ARHGEF3: variants seen among roughly 807,000 people sequenced by gnomAD.
The protein encoded by ARHGEF3 is Rho guanine nucleotide exchange factor 3, also known as 59.8 kDA protein.
In ARHGEF3, 28 loss-of-function variants were observed where a neutral mutation model predicts 63.2. The observed-to-expected ratio is 0.44, with a 90% CI of 0.33 to 0.61. ARHGEF3 has a LOEUF of 0.61. Among genes scored for constraint, ARHGEF3 ranks in the 20% least tolerant of loss-of-function variants. The probability of loss-of-function intolerance (pLI) is 0.03; values close to 1 mark genes in which losing one functional copy is unlikely to be tolerated. For synonymous variants in ARHGEF3, 266 were observed against 254.2 expected (o/e 1.05, Z -0.44); for missense variants, 533 against 659.3 (o/e 0.81, Z 2.10).
At chr3:56,766,700 G>A (rs1179541444) in intron 2 of ARHGEF3, among the ~76,000 whole-genome samples, 1 of 152,064 alleles carries the variant, frequency 6.6e-6, no homozygotes, top group South Asian at 2.1e-4. Flanking sequence ...AAAAACTGTA[G>A]CAAAAGAGAA....
chr3:56,896,984 T>C (rs1348173384), intron 3 of ARHGEF3, among the ~76,000 whole-genome samples: 1 of 152,240 alleles, frequency 6.6e-6, no homozygotes, highest in Non-Finnish European at 1.5e-5. Context: ...ATTGAAAATA[T>C]GGAAGTGTCT....
chr3:56,753,351 T>C lies in ARHGEF3; in HGVS notation c.438+153A>G, dbSNP rs1002280363. On this transcript the variant is annotated intron_variant, in intron 4 of 9. Transcript: ENST00000296315. ...AGGTCTGGAGAGCTATTCTGCCCTC[T>C]TGTTTTGAAACACTTTCCCCACTGC... The C allele has an allele frequency of 2.6e-5, 17 of 661,862 alleles. No homozygotes were observed. The African/African-American group carries it at 3.1e-4, about 12-fold the overall frequency. The allele number at this position is 661,862 out of a possible 1,614,324, so 41.0% of individuals were successfully genotyped here.
intron 4 of ARHGEF3, among the ~76,000 whole-genome samples, chr3:56,826,550 A>G (rs2038718556): frequency 6.6e-6 from 1 of 152,218 alleles, no homozygotes; most frequent in Non-Finnish European, 1.5e-5. Context: ...GAATTATTTC[A>G]TAACGATATC....
intron 2 of ARHGEF3, among the ~76,000 whole-genome samples, chr3:57,009,730 A>G (rs1702606888): frequency 6.6e-6 from 1 of 152,186 alleles, no homozygotes; most frequent in Non-Finnish European, 1.5e-5. Context: ...CTTGTTCCAC[A>G]TCTCTTTAAA....
chr3:56,995,672 A>AGAGAGAGAGAGGGAGAG (rs1491108597), intron 2 of ARHGEF3, among the ~76,000 whole-genome samples: 1 of 131,430 alleles, frequency 7.6e-6, no homozygotes, highest in Non-Finnish European at 1.7e-5. Context: ...AGAGAGAGAG[A>AGAGAGAGAGAGGGAGAG]ATTTTTTTTA....
intron 4 of ARHGEF3, among the ~76,000 whole-genome samples, chr3:56,865,807 G>A (rs1444068600): frequency 1.3e-5 from 2 of 152,148 alleles, no homozygotes; most frequent in Non-Finnish European, 2.9e-5. Flanking sequence ...ACCCTCACCA[G>A]AACTGGAATC....
chr3:56,857,064 A>C (rs1203387331), intron 4 of ARHGEF3, among the ~76,000 whole-genome samples: 1 of 151,832 alleles, frequency 6.6e-6, no homozygotes, highest in African/African-American at 2.4e-5. Context: ...AAAGGCAATA[A>C]TTTTTTAAAA....
intron 1 of ARHGEF3, among the ~76,000 whole-genome samples, chr3:57,045,732 T>C (rs1225236876): frequency 6.6e-6 from 1 of 152,146 alleles, no homozygotes; most frequent in Non-Finnish European, 1.5e-5. Context: ...ACCAAGAACG[T>C]TCTCCCCCAA....
At position 57,062,460 on chromosome 3, in the gene ARHGEF3, C is replaced by CG. The variant is rs566679044; in HGVS notation, c.-28+16765dup. On this transcript the variant is annotated intron_variant, in intron 1 of 12. Transcript: ENST00000338458. Reference sequence around the variant, plus strand: ...AGGCTCAGGAGCACGGCGGCGGGGGCGGGGGGTGCTCAGGAGCATGGGGAA... The same window carrying CG: ...AGGCTCAGGAGCACGGCGGCGGGGGCGGGGGGGTGCTCAGGAGCATGGGGAA... 3.5e-4 allele frequency among the ~76,000 whole-genome samples: 53 copies of CG among 152,192 alleles called. No individual in the cohort carries two copies. In the South Asian group the frequency reaches 0.011, roughly 30 times the overall value.
At chr3:57,060,022 A>C (rs1021480021) in intron 1 of ARHGEF3, among the ~76,000 whole-genome samples, 2 of 146,204 alleles carry the variant, frequency 1.4e-5, no homozygotes, top group Non-Finnish European at 3.0e-5. Flanking sequence ...AATAAAAATA[A>C]ATAGATGAAG....
chr3:56,812,719 C>T (rs1411875331), intron 4 of ARHGEF3, among the ~76,000 whole-genome samples: 1 of 152,212 alleles, frequency 6.6e-6, no homozygotes, highest in Non-Finnish European at 1.5e-5. Context: ...CAAGATTAAA[C>T]ATGGTGCTTA....
At chr3:56,965,923 C>G (rs1233627290) in intron 2 of ARHGEF3, among the ~76,000 whole-genome samples, 1 of 151,978 alleles carries the variant, frequency 6.6e-6, no homozygotes, top group Non-Finnish European at 1.5e-5. Context: ...GCTGGGATTA[C>G]AGGTGTGAGC....
intron 3 of ARHGEF3, among the ~76,000 whole-genome samples, chr3:56,926,803 A>G (rs1331399174): frequency 6.6e-6 from 1 of 152,222 alleles, no homozygotes; most frequent in African/African-American, 2.4e-5. Context: ...GCTGATTTTT[A>G]TTTTTTAAAA....
chr3:56,891,774 C>A (rs1389493028), intron 3 of ARHGEF3, among the ~76,000 whole-genome samples: 1 of 152,088 alleles, frequency 6.6e-6, no homozygotes, highest in Admixed American at 6.5e-5. Context: ...AGCAACTACT[C>A]AAATATTAAC....
chr3:56,802,490 T>C (rs2037707930), upstream of ARHGEF3, among the ~76,000 whole-genome samples: 1 of 152,208 alleles, frequency 6.6e-6, no homozygotes, highest in Non-Finnish European at 1.5e-5. Context: ...AATGCACCCA[T>C]TTTAAGAGTA....
chr3:57,015,620 T>A (rs138403167), intron 2 of ARHGEF3, among the ~76,000 whole-genome samples: 35 of 150,010 alleles, frequency 2.3e-4, no homozygotes, highest in Non-Finnish European at 1.9e-4. Context: ...TTTTTTTTTT[T>A]TAGTACAAAC....
At chr3:57,030,241 C>T (rs1293826205) in intron 2 of ARHGEF3, among the ~76,000 whole-genome samples, 2 of 152,232 alleles carry the variant, frequency 1.3e-5, no homozygotes, top group Non-Finnish European at 2.9e-5. Context: ...GGCCGGATGT[C>T]AGGCATCACT....
intron 2 of ARHGEF3, among the ~76,000 whole-genome samples, chr3:56,994,117 C>A (rs980817448): frequency 1.6e-5 from 2 of 128,016 alleles, no homozygotes; most frequent in Admixed American, 8.4e-5. Flanking sequence ...ACAATCTAAA[C>A]GTGTGTTATT....
intron 2 of ARHGEF3, among the ~76,000 whole-genome samples, chr3:57,014,154 C>G (rs1316306020): frequency 6.6e-6 from 1 of 152,056 alleles, no homozygotes; most frequent in African/African-American, 2.4e-5. Context: ...GGAAGGTTTG[C>G]AGCTTCACTC....
Sources: allele counts gnomAD v4.1 joint callset (sites outside exome capture counted in the v4.1 genomes callset), GRCh38; gene constraint gnomAD v4.1.1; transcripts MANE v1.5; gene names NCBI Gene and HGNC (gene_info 2026-07-23, HGNC 2026-07-21).